The following ANKRD6 variants were observed in gnomAD, a reference collection of about 807,000 sequenced individuals.
The protein encoded by ANKRD6 is ankyrin repeat domain 6.
ANKRD6 carries 56 observed loss-of-function variants against 82.3 expected under a neutral mutation model. The ratio of observed to expected loss-of-function variants is 0.68; its 90% CI spans 0.55 to 0.85. The LOEUF is 0.85. Ranked by LOEUF, ANKRD6 falls within the 40% of genes least tolerant of loss-of-function variation. The pLI is 0.00. For missense variants in ANKRD6, 852 were observed against 907.6 expected (o/e 0.94, Z 0.79); for synonymous variants, 347 against 352.1 (o/e 0.99, Z 0.16).
intron 3 of ANKRD6, among the ~76,000 whole-genome samples, chr6:89,600,729 G>A (rs933928975): frequency 3.9e-5 from 6 of 152,112 alleles, no homozygotes; most frequent in Non-Finnish European, 8.8e-5. Flanking sequence ...AAATCTTACG[G>A]AAATTTTAAA....
intron 1 of ANKRD6, among the ~76,000 whole-genome samples, chr6:89,492,143 G>C (rs1210612995): frequency 6.6e-6 from 1 of 152,192 alleles, no homozygotes; most frequent in African/African-American, 2.4e-5. Flanking sequence ...CCTAGCATGG[G>C]TAAGGAAAGA....
chr6:89,468,340 G>T (rs1046755565), intron 1 of ANKRD6, among the ~76,000 whole-genome samples: 1 of 152,080 alleles, frequency 6.6e-6, no homozygotes, highest in Non-Finnish European at 1.5e-5. Flanking sequence ...TGTAAAATTT[G>T]TATCAATCAG....
rs978061722 is a variant in ANKRD6, at chr6:89,630,009, G to C, written c.1613-424G>C. Among the ~76,000 whole-genome samples, 3 of 152,158 alleles carry C rather than the reference G, an allele frequency of 2.0e-5. No homozygotes were observed. In the East Asian group the frequency reaches 5.8e-4, roughly 29 times the overall value. The stretch of plus-strand genomic sequence containing the variant: ...GGTCAAGCAGTTAGTACACTGGTAG[G>C]GAATAGGCCCAGACATTAGAGAATG... On this transcript the variant is annotated intron_variant, in intron 15 of 15. Coordinates refer to ENST00000339746, the MANE Select transcript of ANKRD6 (RefSeq NM_001242809.2).
intron 4 of ANKRD6, among the ~76,000 whole-genome samples, chr6:89,604,040 A>T (rs1231043032): frequency 6.6e-6 from 1 of 152,162 alleles, no homozygotes; most frequent in East Asian, 1.9e-4. Flanking sequence ...ATAGATAGCA[A>T]AATTGGCCAG....
intron 4 of ANKRD6, 31 bp from the exon 5 acceptor site, chr6:89,605,976 T>C (rs1047636124): frequency 2.0e-6 from 3 of 1,492,014 alleles, no homozygotes; most frequent in Non-Finnish European, 2.7e-6. Context: ...TCTTGGGTAA[T>C]GTGCCTTTCC....
At chr6:89,520,177 A>G (rs1781725997) in intron 1 of ANKRD6, among the ~76,000 whole-genome samples, 1 of 152,066 alleles carries the variant, frequency 6.6e-6, no homozygotes, top group Admixed American at 6.6e-5. Flanking sequence ...AAGAGATGGG[A>G]TCTCACCATG....
chr6:89,469,403 A>G (rs1206385938), intron 1 of ANKRD6, among the ~76,000 whole-genome samples: 1 of 152,142 alleles, frequency 6.6e-6, no homozygotes, highest in Non-Finnish European at 1.5e-5. Context: ...GGGTTTTAAT[A>G]TGTCCAGAGG....
At chr6:89,440,051 AG>A (rs1371322590) in intron 1 of ANKRD6, among the ~76,000 whole-genome samples, 6 of 152,210 alleles carry the variant, frequency 3.9e-5, no homozygotes, top group Non-Finnish European at 8.8e-5. Flanking sequence ...ATATTGGTGT[AG>A]TGAAGGAAAA....
chr6:89,606,390 G>A (rs1011027702), intron 5 of ANKRD6, among the ~76,000 whole-genome samples: 7 of 151,960 alleles, frequency 4.6e-5, no homozygotes, highest in Admixed American at 3.9e-4. Context: ...TAGTTTTTTT[G>A]TATTCAAAAA....
chr6:89,518,656 C>T (rs1315121911), intron 1 of ANKRD6, among the ~76,000 whole-genome samples: 5 of 151,778 alleles, frequency 3.3e-5, no homozygotes, highest in Non-Finnish European at 7.4e-5. Flanking sequence ...AAAAGCATAA[C>T]ACTGATGAGG....
intron 1 of ANKRD6, among the ~76,000 whole-genome samples, chr6:89,561,817 A>C (rs1394268575): frequency 6.6e-6 from 1 of 151,802 alleles, no homozygotes; most frequent in African/African-American, 2.4e-5. Flanking sequence ...CCCCAGTGGG[A>C]TTCAGCCTCT....
chr6:89,559,140 G>C (rs1787038730), intron 1 of ANKRD6, among the ~76,000 whole-genome samples: 1 of 152,194 alleles, frequency 6.6e-6, no homozygotes, highest in Non-Finnish European at 1.5e-5. Context: ...AATTTGGCAT[G>C]ATGTGAAAAT....
At chr6:89,449,443 A>T (rs1034782437) in intron 1 of ANKRD6, among the ~76,000 whole-genome samples, 2 of 152,348 alleles carry the variant, frequency 1.3e-5, no homozygotes, top group East Asian at 1.9e-4. Flanking sequence ...AAAGTTGCAG[A>T]TACCAGATGA....
chr6:89,495,091 G>A (rs1279716439), intron 1 of ANKRD6, among the ~76,000 whole-genome samples: 3 of 152,100 alleles, frequency 2.0e-5, no homozygotes, highest in Admixed American at 6.5e-5. Flanking sequence ...AAAATTAGCC[G>A]GGCGTGGTGG....
At chr6:89,459,762 T>C (rs1363249086) in intron 1 of ANKRD6, among the ~76,000 whole-genome samples, 9 of 152,248 alleles carry the variant, frequency 5.9e-5, no homozygotes, top group Admixed American at 1.3e-4. Flanking sequence ...CTCAGCCTCC[T>C]GAGGAGCTGG....
chr6:89,610,686 A>C (rs1800000728), intron 5 of ANKRD6, among the ~76,000 whole-genome samples: 1 of 152,062 alleles, frequency 6.6e-6, no homozygotes, highest in Admixed American at 6.6e-5. Flanking sequence ...AGTGTTTTTA[A>C]AACCTGGGCA....
At chr6:89,618,124 T>A in intron 9 of ANKRD6, 93 bp downstream of exon 9, 1 of 1,350,864 alleles carries the variant, frequency 7.4e-7, no homozygotes, top group Non-Finnish European at 1.1e-6. Context: ...CTCTTCAAAC[T>A]AACTTAAATA....
chr6:89,575,079 A>G (rs148036909), intron 2 of ANKRD6, among the ~76,000 whole-genome samples: 2 of 152,308 alleles, frequency 1.3e-5, no homozygotes, highest in South Asian at 2.1e-4. Flanking sequence ...CTGTCTGTCT[A>G]CATTCTTCTT....
intron 1 of ANKRD6, among the ~76,000 whole-genome samples, chr6:89,525,429 C>T (rs577412389): frequency 1.1e-4 from 16 of 152,296 alleles, no homozygotes; most frequent in Non-Finnish European, 1.3e-4. Flanking sequence ...AGCATTTCCA[C>T]GCTGTTGTTT....
Sources: gnomAD v4.1 joint callset for allele counts (sites outside exome capture counted in the v4.1 genomes callset) on GRCh38, gnomAD v4.1.1 for gene constraint, MANE v1.5 for transcripts, NCBI Gene and HGNC (gene_info 2026-07-23, HGNC 2026-07-21) for gene names.